Variants in UPP2 observed in about 807,000 individuals in gnomAD.
UPP2 encodes uridine phosphorylase 2, also known as UPase 2.
In UPP2, 23 loss-of-function variants were observed where a neutral mutation model predicts 26.7. The observed-to-expected ratio is 0.86, with a 90% confidence interval of 0.62 to 1.22. The LOEUF is 1.22. UPP2 is among the 50% of genes most tolerant of loss of function. The pLI, the probability that UPP2 is intolerant of heterozygous loss-of-function variation, is 0.00. For synonymous variants in UPP2, 127 were observed against 141.3 expected (o/e 0.90, Z 0.72); for missense variants, 387 against 396.7 (o/e 0.98, Z 0.21).
At chr2:158,044,417 G>A (rs886273839) in intron 3 of UPP2, among the ~76,000 whole-genome samples, 1 of 151,812 alleles carries the variant, frequency 6.6e-6, no homozygotes, top group Admixed American at 6.6e-5. Context: ...GGCAGGAGAG[G>A]ATGTAGTGAC....
chr2:158,047,505 G>C (rs1392464765), intron 3 of UPP2, among the ~76,000 whole-genome samples: 2 of 152,172 alleles, frequency 1.3e-5, no homozygotes, highest in Non-Finnish European at 2.9e-5. Flanking sequence ...TTTAAACCCG[G>C]GCATTGTTCT....
chr2:158,126,604 T>C (rs1178036078), intron 6 of UPP2: 1 of 152,220 alleles, frequency 6.6e-6, no homozygotes, highest in Non-Finnish European at 1.5e-5. Flanking sequence ...TACTACTTCA[T>C]AACATCCTGT....
At chr2:158,000,661 C>T (rs981590279) in intron 2 of UPP2, among the ~76,000 whole-genome samples, 11 of 152,344 alleles carry the variant, frequency 7.2e-5, no homozygotes, top group African/African-American at 1.7e-4. Flanking sequence ...TATCAAATCT[C>T]GGAGAAATTT....
chr2:158,086,213 C>T (rs191654286), intron 3 of UPP2, among the ~76,000 whole-genome samples: 1 of 152,046 alleles, frequency 6.6e-6, no homozygotes, highest in African/African-American at 2.4e-5. Context: ...TCTATTTATT[C>T]CTGGTTTAAT....
At chr2:158,045,474 T>TG (rs1269458093) in intron 3 of UPP2, among the ~76,000 whole-genome samples, 1 of 152,152 alleles carries the variant, frequency 6.6e-6, no homozygotes, top group Non-Finnish European at 1.5e-5. Flanking sequence ...CCAGGTAATT[T>TG]GGGGTACTGA....
At chr2:158,134,414 T>C in intron 6 of UPP2, among the ~76,000 whole-genome samples, 1 of 152,202 alleles carries the variant, frequency 6.6e-6, no homozygotes, top group East Asian at 1.9e-4. Context: ...GGAAATAGGA[T>C]AGAAAGCAGG....
chr2:158,071,625 G>A (rs544244327), intron 3 of UPP2, among the ~76,000 whole-genome samples: 14 of 149,950 alleles, frequency 9.3e-5, no homozygotes, highest in African/African-American at 2.0e-4. Context: ...AGAGGAAAGT[G>A]GACTTTGGCT....
At chr2:158,064,040 G>T (rs1325074098) in intron 3 of UPP2, among the ~76,000 whole-genome samples, 1 of 152,174 alleles carries the variant, frequency 6.6e-6, no homozygotes, top group Non-Finnish European at 1.5e-5. Context: ...ATTGTGAATA[G>T]TGCTGCAGTA....
At chr2:158,082,978 G>A (rs769896478) in intron 3 of UPP2, among the ~76,000 whole-genome samples, 1 of 152,140 alleles carries the variant, frequency 6.6e-6, no homozygotes, top group African/African-American at 2.4e-5. Context: ...CTGGTCATTA[G>A]AGAAATTCAA....
intron 3 of UPP2, among the ~76,000 whole-genome samples, chr2:158,083,239 A>C (rs1473761709): frequency 6.6e-6 from 1 of 152,334 alleles, no homozygotes; most frequent in East Asian, 1.9e-4. Flanking sequence ...TCATTCTACT[A>C]TAAAGACACA....
chr2:157,995,290 TG>T, intron 2 of UPP2: 1 of 1,609,122 alleles, frequency 6.2e-7, no homozygotes, highest in South Asian at 1.1e-5. Context: ...AATACATTCA[TG>T]TCTAAGCACA....
intron 3 of UPP2, among the ~76,000 whole-genome samples, chr2:158,046,574 A>G (rs1359002767): frequency 1.3e-5 from 2 of 152,260 alleles, no homozygotes; most frequent in East Asian, 1.9e-4. Context: ...AGATAAATTA[A>G]TAGTCAATTC....
chr2:158,077,638 C>T (rs540369769), intron 3 of UPP2, among the ~76,000 whole-genome samples: 4 of 152,164 alleles, frequency 2.6e-5, no homozygotes, highest in African/African-American at 9.6e-5. Flanking sequence ...AAAATCAAAT[C>T]AAAATGGATT....
chr2:158,074,742 A>C (rs1682603530), intron 3 of UPP2, among the ~76,000 whole-genome samples: 1 of 148,396 alleles, frequency 6.7e-6, no homozygotes, highest in African/African-American at 2.5e-5. Context: ...AATAACAAAG[A>C]GGCAGTAGTA....
At chr2:158,131,788 T>C (rs569953572) in intron 6 of UPP2, among the ~76,000 whole-genome samples, 4 of 152,328 alleles carry the variant, frequency 2.6e-5, no homozygotes, top group African/African-American at 9.6e-5. Context: ...TTGTTTTGGG[T>C]AATTAGTCCC....
intron 2 of UPP2, among the ~76,000 whole-genome samples, chr2:157,999,840 C>T (rs7582575): frequency 0.23 from 35,113 of 151,942 alleles, 5,758 homozygotes; most frequent in African/African-American, 0.46. Context: ...AAATCACACA[C>T]ACACTTACCC....
chr2:158,098,440 A>G (rs1380721236), upstream of UPP2, among the ~76,000 whole-genome samples: 3 of 152,116 alleles, frequency 2.0e-5, no homozygotes, highest in African/African-American at 7.2e-5. Context: ...GGCCAGCATA[A>G]TGCTCCCTTA....
In UPP2 at chr2:158,102,055, G is replaced by A. The variant is rs972493411; in HGVS notation, c.-9G>A. 6.2e-6 allele frequency: 10 copies of A among 1,613,186 alleles called. No homozygotes were observed. Among genetic ancestry groups the A allele is most frequent in the Middle Eastern group, 3.3e-4 (2 of 6,050 alleles). ...TCAATTTAAGGTGACTTTTCACATAGTAGAGAGAATGGCTTCAGTTATACC... is the reference window on the plus strand; with the variant it reads ...TCAATTTAAGGTGACTTTTCACATAATAGAGAGAATGGCTTCAGTTATACC... On this transcript the variant is annotated 5_prime_UTR_variant, in exon 1 of 7. Coordinates refer to ENST00000005756, the MANE Select transcript of UPP2 (RefSeq NM_173355.4).
chr2:158,056,378 T>A (rs1328311719), intron 3 of UPP2, among the ~76,000 whole-genome samples: 1 of 152,192 alleles, frequency 6.6e-6, no homozygotes, highest in East Asian at 1.9e-4. Context: ...AGTCTATAGT[T>A]GATTCAGATG....
Sources: gnomAD v4.1 joint callset for allele counts (sites outside exome capture counted in the v4.1 genomes callset) on GRCh38, gnomAD v4.1.1 for gene constraint, MANE v1.5 for transcripts, NCBI Gene and HGNC (gene_info 2026-07-23, HGNC 2026-07-21) for gene names.